The following DET1 variants were observed in gnomAD, a reference collection of about 807,000 sequenced individuals.
DET1 encodes DET1 homolog.
A neutral mutation model predicts 43.7 loss-of-function variants in DET1; 22 were observed. The ratio of observed to expected loss-of-function variants is 0.50; its 90% CI spans 0.36 to 0.72. DET1 has a LOEUF of 0.72. Ranked by LOEUF, DET1 falls within the 30% of genes least tolerant of loss-of-function variation. The pLI is 0.00. For missense variants in DET1, 713 were observed against 713.3 expected (o/e 1.00, Z 0.00); for synonymous variants, 315 against 266.2 (o/e 1.18, Z -1.79).
At chr15:88,523,848 G>C (rs1208832854) in intron 3 of DET1, among the ~76,000 whole-genome samples, 1 of 152,104 alleles carries the variant, frequency 6.6e-6, no homozygotes, top group African/African-American at 2.4e-5. Context: ...TGCAGCCTCT[G>C]CCCGGCCGCC....
At chr15:88,537,123 C>T (rs1308262276) in intron 1 of DET1, among the ~76,000 whole-genome samples, 1 of 152,186 alleles carries the variant, frequency 6.6e-6, no homozygotes, top group Non-Finnish European at 1.5e-5. Flanking sequence ...GCTAGTCACA[C>T]CTCATGAATA....
Position 88,531,015 on chromosome 15 carries a change from T to C in DET1, c.691A>G (p.Ile231Val). Residue 231 changes from isoleucine (I) to valine (V), a missense_variant, in exon 2 of 5, where the codon ATC becomes GTC. Physicochemically the swap from Ile to Val is conservative, Grantham distance 29 (BLOSUM62 3). Transcript: ENST00000268148. This position sits in a 1 kb window ranked among gnomAD's most constrained non-coding sequence, Gnocchi z 6.2. Reference sequence around the variant, plus strand: ...ATGGTCTGTTGTTGCACAGACAAGATGGCCAGGATGTTTTTGTACAAGTAC... The same window carrying C: ...ATGGTCTGTTGTTGCACAGACAAGACGGCCAGGATGTTTTTGTACAAGTAC... ...GLYLYKNILA[I>V]LSVQQQTIHV... The C allele has an allele frequency of 6.2e-7, 1 of 1,613,600 alleles. No homozygotes were observed. Among genetic ancestry groups the C allele is most frequent in the Non-Finnish European group, 8.5e-7 (1 of 1,179,658 alleles).
chr15:88,539,991 C>A (rs538913478), intron 1 of DET1, among the ~76,000 whole-genome samples: 2 of 152,194 alleles, frequency 1.3e-5, no homozygotes, highest in South Asian at 4.2e-4. Context: ...CGTTTAGACT[C>A]CTACTCTGTT....
At chr15:88,520,039 A>G (rs1045565827) in intron 3 of DET1, among the ~76,000 whole-genome samples, 1 of 152,176 alleles carries the variant, frequency 6.6e-6, no homozygotes, top group Non-Finnish European at 1.5e-5. Context: ...ACATTTGTAC[A>G]TATATAACTT....
At position 88,516,208 on chromosome 15, in the gene DET1, C is replaced by T. The variant is rs1204549209; in HGVS notation, c.1463+574G>A. 6.6e-6 allele frequency among the ~76,000 whole-genome samples: 1 copy of T among 152,188 alleles called. No homozygotes were observed. Among genetic ancestry groups the T allele is most frequent in the Non-Finnish European group, 1.5e-5 (1 of 68,034 alleles). Reference sequence around the variant, plus strand: ...TCCTCCCCCTAATATTATTACAGCACACAGAACAGGCTCCATATATGTAGT... The same window carrying T: ...TCCTCCCCCTAATATTATTACAGCATACAGAACAGGCTCCATATATGTAGT... On this transcript the variant is annotated intron_variant, in intron 4 of 4. Coordinates refer to ENST00000268148, the MANE Select transcript of DET1 (RefSeq NM_001144074.3). This position sits in a 1 kb window ranked among gnomAD's most constrained non-coding sequence, Gnocchi z 4.4.
intron 2 of DET1, among the ~76,000 whole-genome samples, chr15:88,529,051 T>G (rs1451757031): frequency 6.6e-6 from 1 of 152,170 alleles, no homozygotes; most frequent in East Asian, 1.9e-4. Context: ...TTACAAACTG[T>G]GTAAGCAAAG....
At chr15:88,528,796 C>T (rs922049633) in intron 2 of DET1, among the ~76,000 whole-genome samples, 2 of 152,198 alleles carry the variant, frequency 1.3e-5, no homozygotes, top group Non-Finnish European at 2.9e-5. Flanking sequence ...AGCCATTCGA[C>T]CCACCTGTTT....
chr15:88,525,465 G>T (rs1378572818), intron 3 of DET1, among the ~76,000 whole-genome samples: 1 of 152,048 alleles, frequency 6.6e-6, no homozygotes, highest in Non-Finnish European at 1.5e-5. Context: ...ATAATTTTTG[G>T]AAAACAGAGT....
At position 88,531,945 on chromosome 15, in the gene DET1, A is replaced by G; in HGVS notation, c.-10-230T>C. On this transcript the variant is annotated intron_variant, in intron 1 of 4. Coordinates refer to ENST00000268148, the MANE Select transcript of DET1 (RefSeq NM_001144074.3). This position sits in a 1 kb window ranked among gnomAD's most constrained non-coding sequence, Gnocchi z 6.2. ...TCTAGTTCACTAGGAATACCTTCCA[A>G]GTATGCTCAGCTGTTGGGAAAGTTC... The G allele has an allele frequency of 1.0e-5, 5 of 501,418 alleles. No homozygotes were observed. The highest frequency in any genetic ancestry group is 1.7e-5 in the Non-Finnish European group (5 of 285,964). The allele number at this position is 501,418 out of a possible 1,614,324, so 31.1% of individuals were successfully genotyped here.
chr15:88,539,731 G>A (rs560765619), intron 1 of DET1, among the ~76,000 whole-genome samples: 28 of 152,234 alleles, frequency 1.8e-4, no homozygotes, highest in African/African-American at 6.3e-4. Context: ...GGCAAGTAAG[G>A]TGTTGTTACA....
At chr15:88,542,465 A>T (rs1294256579) in intron 1 of DET1, among the ~76,000 whole-genome samples, 1 of 152,168 alleles carries the variant, frequency 6.6e-6, no homozygotes, top group Admixed American at 6.5e-5. Context: ...CAGGAGGCTT[A>T]TCGCATTTAT....
chr15:88,519,001 C>G (rs1462019054), intron 3 of DET1, among the ~76,000 whole-genome samples: 1 of 152,048 alleles, frequency 6.6e-6, no homozygotes, highest in East Asian at 1.9e-4. Context: ...TTCATTTGAG[C>G]TGAAATAAAA....
chr15:88,527,540 A>C, intron 3 of DET1, 59 bp downstream of exon 3: 1 of 1,470,948 alleles, frequency 6.8e-7, no homozygotes, highest in Non-Finnish European at 9.1e-7. Flanking sequence ...GACAACAGCT[A>C]TTGGCCTAAC....
intron 4 of DET1, 129 bp from the exon 5 acceptor site, chr15:88,513,269 A>G: frequency 1.0e-6 from 1 of 955,520 alleles, no homozygotes; most frequent in Admixed American, 2.9e-5. Context: ...CGCCTCTTAT[A>G]TCAGCCCCAG....
intron 3 of DET1, among the ~76,000 whole-genome samples, chr15:88,527,352 A>C (rs1424186431): frequency 2.6e-5 from 4 of 152,266 alleles, no homozygotes; most frequent in Non-Finnish European, 5.9e-5. Context: ...ATATAGCAAT[A>C]CATGAAGACA....
In DET1 at chr15:88,531,597, G is replaced by A; in HGVS notation, c.109C>T (p.His37Tyr). Residue 37 changes from histidine to tyrosine, a missense_variant, in exon 2 of 5, where the codon CAC becomes TAC. Coordinates refer to ENST00000268148, the MANE Select transcript of DET1 (RefSeq NM_001144074.3). This position sits in a 1 kb window ranked among gnomAD's most constrained non-coding sequence, Gnocchi z 6.2. ...TTCTGATGGAACACTCGGACTTGGT[G>A]CCAGTGGGTACCTGCCTTGCCTGAA... ...ISSGKAGTHW[H>Y]QVRVFHQNVF... 6 of 1,614,020 alleles carry A rather than the reference G, an allele frequency of 3.7e-6. No individual in the cohort carries two copies. The highest frequency in any genetic ancestry group is 4.2e-6 in the Non-Finnish European group (5 of 1,179,892).
Position 88,530,797 on chromosome 15 carries a change from C to T in DET1, c.909G>A (p.Leu303=), listed in dbSNP as rs769674635. The T allele has an allele frequency of 1.9e-6, 3 of 1,613,852 alleles. No individual in the cohort carries two copies. Among genetic ancestry groups the T allele is most frequent in the East Asian group, 4.5e-5 (2 of 44,890 alleles). ...TACCATCCTGTTCTGCCCGGCGCCA[C>T]AAATATACCAGCAACCGGTGTTTGA... ...NSLKHRLLVY[L]WRRAEQDGSA... is the part of the protein sequence containing the mutation. The change falls in exon 2 of 5, where the codon TTG becomes TTA. Residue 303 remains leucine, a synonymous_variant. Coordinates refer to ENST00000268148, the MANE Select transcript of DET1 (RefSeq NM_001144074.3).
chr15:88,515,085 C>T (rs180910082), intron 4 of DET1, among the ~76,000 whole-genome samples: 15 of 152,200 alleles, frequency 9.9e-5, no homozygotes, highest in Middle Eastern at 3.4e-3. Context: ...ATCTCATTCC[C>T]GCTTTACAGG....
At position 88,545,979 on chromosome 15, in the gene DET1, G is replaced by T. The variant is rs113876024; in HGVS notation, c.-11+561C>A. The stretch of plus-strand genomic sequence containing the variant: ...TCTATCACCTTGTAATAGTCATAAA[G>T]CCCCTGCACCTGGAACTGTTTACTT... On this transcript the variant is annotated intron_variant, in intron 1 of 4. Transcript: ENST00000268148. Among the ~76,000 whole-genome samples the T allele has an allele frequency of 1.3e-3, 198 of 151,004 alleles. 1 individual carries two copies. Among genetic ancestry groups the T allele is most frequent in the African/African-American group, 4.6e-3 (190 of 40,968 alleles).
Sources: allele counts gnomAD v4.1 joint callset (sites outside exome capture counted in the v4.1 genomes callset), GRCh38; gene constraint gnomAD v4.1.1; non-coding constraint Gnocchi (gnomAD v3.1); transcripts MANE v1.5; gene names NCBI Gene and HGNC (gene_info 2026-07-23, HGNC 2026-07-21).